The following OSTF1 variants were observed in gnomAD, a reference collection of about 807,000 sequenced individuals.
The protein encoded by OSTF1 is osteoclast stimulating factor 1.
Under a neutral mutation model 37.2 loss-of-function variants are expected in OSTF1, and 27 were observed. That is an observed-to-expected ratio of 0.73 (90% CI 0.54 to 1.00). The LOEUF (loss-of-function observed/expected upper bound fraction) is 1.00, where lower values mean the gene tolerates loss of function less well. Ranked by LOEUF, OSTF1 falls within the 50% of genes least tolerant of loss-of-function variation. The probability of loss-of-function intolerance (pLI) is 0.00; values close to 1 mark genes in which losing one functional copy is unlikely to be tolerated. For missense variants in OSTF1, 232 were observed against 253.8 expected, an observed-to-expected ratio of 0.91 and a Z score of 0.58; for synonymous variants, 82 against 89.2, an observed-to-expected ratio of 0.92 and a Z score of 0.46.
intron 1 of OSTF1, among the ~76,000 whole-genome samples, chr9:75,101,163 G>T (rs60358828): frequency 6.6e-6 from 1 of 152,062 alleles, no homozygotes; most frequent in Non-Finnish European, 1.5e-5. Flanking sequence ...TCTCAGGACC[G>T]GGCCAAGCTG....
At chr9:75,099,937 G>A (rs941919432) in intron 1 of OSTF1, among the ~76,000 whole-genome samples, 1 of 152,162 alleles carries the variant, frequency 6.6e-6, no homozygotes, top group African/African-American at 2.4e-5. Context: ...TGTTGCTATG[G>A]CTTTAGAATT....
intron 1 of OSTF1, among the ~76,000 whole-genome samples, chr9:75,111,047 G>A (rs138980873): frequency 6.6e-6 from 1 of 152,110 alleles, no homozygotes; most frequent in African/African-American, 2.4e-5. Context: ...TATCTGAGTG[G>A]CTTTCTTTAG....
At position 75,127,361 on chromosome 9, in the gene OSTF1, G is replaced by T. The variant is rs1825677788; in HGVS notation, c.82-208G>T. Among the ~76,000 whole-genome samples the T allele has an allele frequency of 3.3e-5, 5 of 152,258 alleles. No individual in the cohort carries two copies. The South Asian group carries it at 1.0e-3, about 32-fold the overall frequency. On this transcript the variant is annotated intron_variant, in intron 2 of 9. Coordinates refer to ENST00000346234, the MANE Select transcript of OSTF1 (RefSeq NM_012383.5). ...ATGTGTGTGGAGAATCTTTATATAT[G>T]TAATTCTTTGAAGTTCATCATGGGA...
intron 9 of OSTF1, among the ~76,000 whole-genome samples, chr9:75,143,165 T>C (rs1825969929): frequency 6.6e-6 from 1 of 152,134 alleles, no homozygotes; most frequent in South Asian, 2.1e-4. Flanking sequence ...GGTCTCGAAC[T>C]CCTGACCTCA....
intron 7 of OSTF1, 80 bp downstream of exon 7, chr9:75,134,475 G>A: frequency 1.4e-6 from 1 of 707,650 alleles, no homozygotes; most frequent in Non-Finnish European, 2.5e-6. Context: ...GGCATGTGAA[G>A]TATTGTAGTC....
rs1826042807 is a variant in OSTF1, at chr9:75,147,260, T to C, written c.*519T>C. The C allele has an allele frequency of 6.6e-6, 1 of 152,040 alleles. No homozygotes were observed. Among genetic ancestry groups the C allele is most frequent in the South Asian group, 2.1e-4 (1 of 4,828 alleles). The allele number at this position is 152,040 out of a possible 1,614,324, so 9.4% of individuals were successfully genotyped here. ...GTTAAGTAAGTAAAGCTTTTTATAT[T>C]TAGGTAAGAACTGATTTTATTTTTT... On this transcript the variant is annotated 3_prime_UTR_variant, in exon 10 of 10. Coordinates refer to ENST00000346234, the MANE Select transcript of OSTF1 (RefSeq NM_012383.5).
At chr9:75,112,969 C>T (rs2118494469) in intron 1 of OSTF1, among the ~76,000 whole-genome samples, 1 of 152,226 alleles carries the variant, frequency 6.6e-6, no homozygotes, top group South Asian at 2.1e-4. Flanking sequence ...TGTATTTCTC[C>T]TGGCAGCTCC....
chr9:75,119,707 C>G (rs1194305284), intron 2 of OSTF1, among the ~76,000 whole-genome samples: 1 of 152,218 alleles, frequency 6.6e-6, no homozygotes, highest in Non-Finnish European at 1.5e-5. Flanking sequence ...TGGCTCACGC[C>G]TGTAATCCCA....
chr9:75,116,602 GT>G (rs1360249735), intron 1 of OSTF1, among the ~76,000 whole-genome samples: 1 of 138,502 alleles, frequency 7.2e-6, no homozygotes, highest in African/African-American at 2.7e-5. Flanking sequence ...TCTCCAATGG[GT>G]CCTTTTTTTT....
chr9:75,117,546 G>C lies in OSTF1; in HGVS notation c.77G>C (p.Arg26Thr), dbSNP rs778009294. The C allele has an allele frequency of 1.9e-6, 3 of 1,606,014 alleles. No individual in the cohort carries two copies. Among genetic ancestry groups the C allele is most frequent in the Admixed American group, 1.7e-5 (1 of 59,678 alleles). The change falls in exon 2 of 10, where the codon AGA becomes ACA. Residue 26 changes from arginine (R) to threonine (T), a missense_variant. Arg to Thr is a moderately conservative substitution (Grantham distance 71). Transcript: ENST00000346234. ...VFRALYTFEP[R>T]TPDELYFEEG... is the part of the protein sequence containing the mutation. Reference sequence around the variant, plus strand: ...AGAGCCCTGTATACGTTTGAACCCAGAACTGTAAGTGTTCAGTTTTTAACT... The same window carrying C: ...AGAGCCCTGTATACGTTTGAACCCACAACTGTAAGTGTTCAGTTTTTAACT...
intron 1 of OSTF1, among the ~76,000 whole-genome samples, chr9:75,093,064 C>CTTTTTTTTTTT (rs1043919048): frequency 5.4e-4 from 61 of 112,814 alleles, no homozygotes; most frequent in African/African-American, 1.8e-3. Flanking sequence ...TTCTTTCTTT[C>CTTTTTTTTTTT]TTTTTTTTTT....
At chr9:75,106,098 A>T (rs1246024942) in intron 1 of OSTF1, among the ~76,000 whole-genome samples, 2 of 152,086 alleles carry the variant, frequency 1.3e-5, no homozygotes, top group African/African-American at 4.8e-5. Context: ...TTTGGATTGG[A>T]TAGGGGAAGT....
intron 2 of OSTF1, among the ~76,000 whole-genome samples, chr9:75,119,676 G>A (rs1825547247): frequency 6.6e-6 from 1 of 152,138 alleles, no homozygotes; most frequent in Non-Finnish European, 1.5e-5. Context: ...TTCTTATAAA[G>A]ATGTGAGTCG....
At chr9:75,097,137 G>A (rs1017460578) in intron 1 of OSTF1, among the ~76,000 whole-genome samples, 9 of 152,142 alleles carry the variant, frequency 5.9e-5, no homozygotes, top group African/African-American at 1.9e-4. Context: ...ATTCTGAATG[G>A]TGTGCCAAAC....
intron 7 of OSTF1, among the ~76,000 whole-genome samples, chr9:75,135,666 G>T (rs1342626444): frequency 6.6e-6 from 1 of 152,148 alleles, no homozygotes; most frequent in Admixed American, 6.5e-5. Flanking sequence ...ACGACCACAG[G>T]CTTAGCAGCT....
chr9:75,139,188 G>A (rs947522306), intron 8 of OSTF1, among the ~76,000 whole-genome samples: 2 of 150,800 alleles, frequency 1.3e-5, no homozygotes, highest in African/African-American at 4.9e-5. Flanking sequence ...AATTACAAAC[G>A]TGCACCACCA....
chr9:75,121,970 A>G lies in OSTF1; in HGVS notation c.81+4420A>G, dbSNP rs530488456. The stretch of plus-strand genomic sequence containing the variant: ...CCCCAGTCTTGGGGATCCATTGAAC[A>G]GGAAGAACGCTAGGTAGCTCCTGGT... On this transcript the variant is annotated intron_variant, in intron 2 of 9. Transcript: ENST00000346234. 3.9e-5 allele frequency among the ~76,000 whole-genome samples: 6 copies of G among 152,330 alleles called. No homozygotes were observed. In the East Asian group the frequency reaches 7.7e-4, roughly 20 times the overall value.
intron 2 of OSTF1, among the ~76,000 whole-genome samples, chr9:75,123,824 G>C (rs1372982939): frequency 6.6e-6 from 1 of 152,140 alleles, no homozygotes; most frequent in South Asian, 2.1e-4. Context: ...GAAAAAATGA[G>C]GTCACTTTTT....
chr9:75,094,136 C>G (rs1436251084), intron 1 of OSTF1, among the ~76,000 whole-genome samples: 1 of 152,100 alleles, frequency 6.6e-6, no homozygotes, highest in Non-Finnish European at 1.5e-5. Flanking sequence ...AGAAACCTGC[C>G]AGAGATGTTA....
Sources: allele counts gnomAD v4.1 joint callset (sites outside exome capture counted in the v4.1 genomes callset), GRCh38; gene constraint gnomAD v4.1.1; transcripts MANE v1.5; gene names NCBI Gene and HGNC (gene_info 2026-07-23, HGNC 2026-07-21).